Variants in TRRAP observed in about 807,000 individuals in gnomAD.
The protein encoded by TRRAP is transformation/transcription domain associated protein.
In TRRAP, 41 loss-of-function variants were observed where a neutral mutation model predicts 438.8. The ratio of observed to expected loss-of-function variants is 0.09; its 90% confidence interval spans 0.07 to 0.12. The LOEUF is 0.12. Ranked by LOEUF, TRRAP falls within the 10% of genes least tolerant of loss-of-function variation. The pLI is 1.00. For synonymous variants in TRRAP, 1,994 were observed against 1,962.9 expected, an observed-to-expected ratio of 1.02 and a Z score of -0.42; for missense variants, 3,122 against 5,055.1, an observed-to-expected ratio of 0.62 and a Z score of 11.60.
At chr7:98,999,412 C>T (rs1172480325) in intron 67 of TRRAP, 2 of 1,144,868 alleles carry the variant, frequency 1.7e-6, no homozygotes, top group African/African-American at 3.0e-5. Context: ...ACATGAGATC[C>T]AGCAGCTCCT....
At chr7:98,887,939 G>A (rs1052389202) in intron 3 of TRRAP, among the ~76,000 whole-genome samples, 4 of 152,074 alleles carry the variant, frequency 2.6e-5, no homozygotes, top group Non-Finnish European at 5.9e-5. Context: ...GATAGTAAAA[G>A]TTGAACTCCA....
chr7:98,989,846 G>T (rs758027846), intron 63 of TRRAP, among the ~76,000 whole-genome samples: 2 of 152,124 alleles, frequency 1.3e-5, no homozygotes, highest in Non-Finnish European at 2.9e-5. Context: ...GGGTGGGCAG[G>T]CCCCAGGCAT....
chr7:98,917,644 G>A lies in TRRAP; in HGVS notation c.2587G>A (p.Asp863Asn), dbSNP rs782260092. 2 of 1,614,172 alleles carry A rather than the reference G, an allele frequency of 1.2e-6. No homozygotes were observed. Among genetic ancestry groups the A allele is most frequent in the Non-Finnish European group, 1.7e-6 (2 of 1,180,042 alleles). Residue 863 changes from aspartate (D) to asparagine (N), a missense_variant, in exon 20 of 73, where the codon GAC becomes AAC. Around this residue, in one of 24 missense-constraint regions of TRRAP, gnomAD observed 20 missense variants for 100.7 expected, o/e 0.20. Coordinates refer to ENST00000456197, the MANE Select transcript of TRRAP (RefSeq NM_001375524.1). ...VDNLQPDFLYDHIQPVRAELM... is the reference protein window; with the variant it reads ...VDNLQPDFLYNHIQPVRAELM... ...CAACCTGCAGCCCGACTTCCTCTAC[G>A]ACCACATCCAGCCGGTGCGCGCAGA... is the stretch of plus-strand genomic sequence containing the variant.
intron 69 of TRRAP, 35 bp from the exon 70 acceptor site, chr7:99,008,342 C>T (rs775641682): frequency 6.2e-7 from 1 of 1,605,162 alleles, no homozygotes; most frequent in Admixed American, 1.7e-5. Context: ...CGCGGTCACC[C>T]TCAGCCTGCC....
At chr7:98,990,045 TG>T (rs1352217812) in intron 63 of TRRAP, among the ~76,000 whole-genome samples, 2 of 152,174 alleles carry the variant, frequency 1.3e-5, no homozygotes, top group African/African-American at 2.4e-5. Context: ...CTGGCCGACA[TG>T]GCAAAACCCC....
rs1790594188 is a variant in TRRAP, at chr7:98,937,173, A to C, written c.4129A>C (p.Asn1377His). Residue 1377 changes from asparagine to histidine, a missense_variant, in exon 29 of 73, where the codon AAT becomes CAT. Transcript: ENST00000456197. ...IAALNALAACNYLPQSREKII... is the reference protein window; with the variant it reads ...IAALNALAACHYLPQSREKII... ...CCCTGAAGATGCACTTGCTGCCTGC[A>C]ATTACCTTCCTCAGTCCAGGGAGAA... The C allele has an allele frequency of 6.2e-7, 1 of 1,610,996 alleles. No homozygotes were observed. The highest frequency in any genetic ancestry group is 8.5e-7 in the Non-Finnish European group (1 of 1,178,822).
chr7:98,935,821 G>A (rs1348184744), intron 28 of TRRAP, 146 bp downstream of exon 28: 3 of 550,592 alleles, frequency 5.4e-6, no homozygotes, highest in African/African-American at 3.7e-5. Context: ...AATTATTTTT[G>A]TATGTTTATC....
Position 98,967,527 on chromosome 7 carries a change from G to A in TRRAP, c.7341G>A (p.Glu2447=). The A allele has an allele frequency of 6.2e-7, 1 of 1,614,040 alleles. No homozygotes were observed. Among genetic ancestry groups the A allele is most frequent in the Non-Finnish European group, 8.5e-7 (1 of 1,180,026 alleles). The change falls in exon 51 of 73, where the codon GAG becomes GAA. Residue 2447 remains glutamate (E), a synonymous_variant. Transcript: ENST00000456197. The stretch of plus-strand genomic sequence containing the variant: ...GCAGCGAGCTGACGGCGAAACTTGA[G>A]CCTGCCTTTCTCTCTGGGCTGCGCT... ...LSGSELTAKL[E]PAFLSGLRCA...
At chr7:99,002,225 G>A (rs559075749) in intron 67 of TRRAP, among the ~76,000 whole-genome samples, 2 of 152,270 alleles carry the variant, frequency 1.3e-5, no homozygotes, top group East Asian at 3.9e-4. Context: ...GTGGCTCTGC[G>A]AGGCCACACA....
At position 98,976,668 on chromosome 7, in the gene TRRAP, G is replaced by A. The variant is rs1792674026; in HGVS notation, c.8145G>A (p.Leu2715=). The A allele has an allele frequency of 6.2e-7, 1 of 1,614,068 alleles. No individual in the cohort carries two copies. Among genetic ancestry groups the A allele is most frequent in the Admixed American group, 1.7e-5 (1 of 60,010 alleles). Residue 2715 remains leucine (L), a synonymous_variant, in exon 55 of 73, where the codon CTG becomes CTA. Transcript: ENST00000456197. This position sits in a 1 kb window ranked among gnomAD's most constrained non-coding sequence, Gnocchi z 4.6. ...ACAACCTCTGGTTCCGGTCCACGCT[G>A]ATGTTGGAGCACCAGGCTTTTGAAA... ...KTHNLWFRST[L]MLEHQAFEKG...
intron 39 of TRRAP, 43 bp from the exon 40 acceptor site, chr7:98,953,124 A>G (rs1791419280): frequency 6.3e-7 from 1 of 1,589,386 alleles, no homozygotes; most frequent in South Asian, 1.1e-5. Context: ...TCAGTAACCC[A>G]GTTCACAACT....
intron 3 of TRRAP, 74 bp downstream of exon 3, chr7:98,882,098 G>T (rs1356987128): frequency 2.4e-6 from 3 of 1,265,206 alleles, no homozygotes; most frequent in South Asian, 1.4e-5. Flanking sequence ...TGCTTTGTCA[G>T]TCTTTTTACT....
At chr7:98,894,111 CAGGT>C (rs1554405388) in intron 6 of TRRAP, among the ~76,000 whole-genome samples, 9 of 152,132 alleles carry the variant, frequency 5.9e-5, no homozygotes, top group African/African-American at 2.2e-4. Context: ...ACCAAACTGA[CAGGT>C]TATTTGGGCT....
chr7:98,881,130 G>A lies in TRRAP; in HGVS notation c.-21G>A. 1 of 1,596,558 alleles carries A rather than the reference G, an allele frequency of 6.3e-7. No individual in the cohort carries two copies. The highest frequency in any genetic ancestry group is 8.5e-7 in the Non-Finnish European group (1 of 1,170,338). ...GGACCTGATACTTTTCTCTTGAGAA[G>A]CAAACCAGCCCAAAAGAAAAATGGC... On this transcript the variant is annotated 5_prime_UTR_variant, in exon 2 of 73. Transcript: ENST00000456197.
At chr7:98,961,653 C>T (rs570539267) in intron 46 of TRRAP, among the ~76,000 whole-genome samples, 179 bp downstream of exon 46, 1 of 152,328 alleles carries the variant, frequency 6.6e-6, no homozygotes, top group South Asian at 2.1e-4. Context: ...GGTGTGGTGG[C>T]TCACGCCTGT....
chr7:98,887,959 C>T (rs1008757982), intron 3 of TRRAP, among the ~76,000 whole-genome samples: 2 of 152,006 alleles, frequency 1.3e-5, no homozygotes, highest in African/African-American at 2.4e-5. Context: ...AGGACAGGTG[C>T]GGTGGCTCCC....
chr7:99,007,919 T>G (rs1794263058), intron 69 of TRRAP, among the ~76,000 whole-genome samples: 1 of 151,036 alleles, frequency 6.6e-6, no homozygotes. Flanking sequence ...TCTGACTCCC[T>G]GGTTCAGGTG....
chr7:99,005,424 T>A lies in TRRAP; in HGVS notation c.10753+76T>A, dbSNP rs1794117002. 1.4e-6 allele frequency: 2 copies of A among 1,420,418 alleles called. No individual in the cohort carries two copies. Among genetic ancestry groups the A allele is most frequent in the East Asian group, 4.6e-5 (2 of 43,894 alleles). The allele number at this position is 1,420,418 out of a possible 1,614,324, so 88.0% of individuals were successfully genotyped here. ...GGGATGAGAGCCACACCTCGTGGGG[T>A]GCACAGGCAGCTCACGTTAGCCTTT... On this transcript the variant is annotated intron_variant, in intron 69 of 72. Coordinates refer to ENST00000456197, the MANE Select transcript of TRRAP (RefSeq NM_001375524.1). The surrounding 1 kb of genome is among the most constrained non-coding windows in gnomAD (Gnocchi z 5.1).
chr7:98,976,091 G>T lies in TRRAP; in HGVS notation c.7840-58G>T. The stretch of plus-strand genomic sequence containing the variant: ...AGATCATGGGTGTCTTCTGAGCGTG[G>T]TTGTGCGAGGCACCCCCAGCCCGTG... On this transcript the variant is annotated intron_variant, in intron 53 of 72. Coordinates refer to ENST00000456197, the MANE Select transcript of TRRAP (RefSeq NM_001375524.1). This position sits in a 1 kb window ranked among gnomAD's most constrained non-coding sequence, Gnocchi z 4.6. The T allele has an allele frequency of 6.2e-7, 1 of 1,603,246 alleles. No homozygotes were observed. Among genetic ancestry groups the T allele is most frequent in the Non-Finnish European group, 8.5e-7 (1 of 1,174,282 alleles).
Sources: allele counts gnomAD v4.1 joint callset (sites outside exome capture counted in the v4.1 genomes callset), GRCh38; gene constraint gnomAD v4.1.1; regional missense constraint gnomAD v4.1.1; non-coding constraint Gnocchi (gnomAD v3.1); transcripts MANE v1.5; gene names NCBI Gene and HGNC (gene_info 2026-07-23, HGNC 2026-07-21).